Variants in RBFOX1 observed in about 807,000 individuals in gnomAD.
RBFOX1 encodes RNA binding protein fox-1 homolog 1.
RBFOX1 carries 8 observed loss-of-function variants against 57.7 expected under a neutral mutation model. The ratio of observed to expected loss-of-function variants is 0.14; its 90% CI spans 0.08 to 0.25. The LOEUF (loss-of-function observed/expected upper bound fraction) is 0.25, where lower values mean the gene tolerates loss of function less well. RBFOX1 is among the 10% of genes least tolerant of loss of function. The probability of loss-of-function intolerance (pLI) is 1.00; values close to 1 mark genes in which losing one functional copy is unlikely to be tolerated. For missense variants in RBFOX1, 611 were observed against 548.5 expected, an observed-to-expected ratio of 1.11 and a Z score of -1.14; for synonymous variants, 326 against 222.4, an observed-to-expected ratio of 1.47 and a Z score of -4.15.
rs1371625565 is a variant in RBFOX1 at position 5,946,446 on chromosome 16, C to T, written c.351+79111C>T. 3.9e-5 allele frequency among the ~76,000 whole-genome samples: 6 copies of T among 152,196 alleles called. No homozygotes were observed. Among genetic ancestry groups the T allele is most frequent in the Non-Finnish European group, 8.8e-5 (6 of 68,032 alleles). ...CTCTATCTTGCGACAGAGCCATGAACAGCTCAGCCAAGATCTCTGCTCTCA... is the reference window on the plus strand; with the variant it reads ...CTCTATCTTGCGACAGAGCCATGAATAGCTCAGCCAAGATCTCTGCTCTCA... On this transcript the variant is annotated intron_variant, in intron 4 of 19. Transcript: ENST00000641259. This position sits in a 1 kb window ranked among gnomAD's most constrained non-coding sequence, Gnocchi z 4.6.
At chr16:7,570,992 G>A (rs776425483) in intron 5 of RBFOX1, among the ~76,000 whole-genome samples, 3 of 152,244 alleles carry the variant, frequency 2.0e-5, no homozygotes, top group East Asian at 1.9e-4. Context: ...ACAGAAAACC[G>A]AACACTGCAT....
At chr16:6,339,891 C>A (rs2084290979) in intron 2 of RBFOX1, among the ~76,000 whole-genome samples, 1 of 151,942 alleles carries the variant, frequency 6.6e-6, no homozygotes. Context: ...CTTGGCCAGG[C>A]TGGTCTTGAA....
chr16:5,724,073 C>G (rs1567450800), intron 3 of RBFOX1, among the ~76,000 whole-genome samples: 1 of 152,170 alleles, frequency 6.6e-6, no homozygotes. Flanking sequence ...AGACTGCTCA[C>G]CACTTGAATG....
intron 1 of RBFOX1, among the ~76,000 whole-genome samples, chr16:5,415,774 T>C (rs1041913905): frequency 6.6e-6 from 1 of 152,190 alleles, no homozygotes; most frequent in Non-Finnish European, 1.5e-5. Flanking sequence ...ACTGTAAATG[T>C]GGTATGGATA....
chr16:6,652,576 C>T (rs1259932777), intron 2 of RBFOX1, among the ~76,000 whole-genome samples: 1 of 152,122 alleles, frequency 6.6e-6, no homozygotes, highest in African/African-American at 2.4e-5. Context: ...TCACCAGGAA[C>T]CCTGAGAGAG....
intron 1 of RBFOX1, among the ~76,000 whole-genome samples, chr16:6,232,105 G>C (rs903337877): frequency 6.6e-6 from 1 of 152,114 alleles, no homozygotes. Context: ...TAATCATGCT[G>C]ATCCATTTCC....
intron 4 of RBFOX1, among the ~76,000 whole-genome samples, chr16:7,252,643 T>C (rs2094536444): frequency 6.6e-6 from 1 of 152,206 alleles, no homozygotes; most frequent in Non-Finnish European, 1.5e-5. Context: ...TAACCTGCTT[T>C]ACTCATTGGT....
At chr16:6,016,924 A>T (rs1033769775), upstream of RBFOX1, among the ~76,000 whole-genome samples, 1 of 152,156 alleles carries the variant, frequency 6.6e-6, no homozygotes, top group East Asian at 1.9e-4. Context: ...TTTGTTTTAA[A>T]TTGTAATGGA....
At chr16:7,597,019 T>C (rs564090769) in intron 8 of RBFOX1, among the ~76,000 whole-genome samples, 1 of 152,322 alleles carries the variant, frequency 6.6e-6, no homozygotes, top group Admixed American at 6.5e-5. Context: ...ATGAATTTTA[T>C]TTTATGTTTA....
chr16:5,941,776 C>T (rs1363887655), intron 4 of RBFOX1, among the ~76,000 whole-genome samples: 1 of 151,960 alleles, frequency 6.6e-6, no homozygotes, highest in Non-Finnish European at 1.5e-5. Flanking sequence ...TTCCCGTGAG[C>T]TCATAGCTTC....
At chr16:5,772,499 C>T (rs974865053) in intron 3 of RBFOX1, among the ~76,000 whole-genome samples, 1 of 152,162 alleles carries the variant, frequency 6.6e-6, no homozygotes, top group Non-Finnish European at 1.5e-5. Context: ...CTTGAAAATT[C>T]AACCCAATTA....
At chr16:6,279,649 A>T (rs8052577) in intron 1 of RBFOX1, among the ~76,000 whole-genome samples, 133,547 of 152,168 alleles carry the variant, frequency 0.88, 59,164 homozygotes, top group East Asian at 0.95. Context: ...GGAGAAGAGA[A>T]ACATAAACAC....
At chr16:5,486,022 C>A (rs1871070882) in intron 2 of RBFOX1, among the ~76,000 whole-genome samples, 1 of 152,194 alleles carries the variant, frequency 6.6e-6, no homozygotes, top group African/African-American at 2.4e-5. Context: ...ATGAGCTCGC[C>A]TCCTCTCTCC....
chr16:7,285,543 C>T (rs766530974), intron 4 of RBFOX1, among the ~76,000 whole-genome samples: 5 of 152,020 alleles, frequency 3.3e-5, no homozygotes, highest in Admixed American at 6.6e-5. Flanking sequence ...CAACCACCCC[C>T]GCCCCCACTC....
chr16:7,471,000 A>G (rs1016180925), intron 4 of RBFOX1, among the ~76,000 whole-genome samples: 1 of 152,098 alleles, frequency 6.6e-6, no homozygotes, highest in Non-Finnish European at 1.5e-5. Flanking sequence ...GCCAAGATAG[A>G]TTTTATTGAA....
At chr16:5,772,132 A>G (rs2053999898) in intron 3 of RBFOX1, among the ~76,000 whole-genome samples, 1 of 152,184 alleles carries the variant, frequency 6.6e-6, no homozygotes, top group Admixed American at 6.5e-5. Context: ...AGATCACACC[A>G]GCACACTCCA....
At chr16:6,272,298 T>C (rs1207255559) in intron 1 of RBFOX1, among the ~76,000 whole-genome samples, 1 of 152,202 alleles carries the variant, frequency 6.6e-6, no homozygotes, top group Admixed American at 6.5e-5. Context: ...GAATTGAATT[T>C]GTTAAAGAAC....
chr16:6,771,462 C>G (rs1279996103), intron 3 of RBFOX1, among the ~76,000 whole-genome samples: 2 of 152,092 alleles, frequency 1.3e-5, no homozygotes, highest in East Asian at 3.9e-4. Flanking sequence ...AGATATGATC[C>G]AGATAGCAGA....
intron 2 of RBFOX1, among the ~76,000 whole-genome samples, chr16:6,504,799 T>C (rs2096046477): frequency 6.6e-6 from 1 of 152,124 alleles, no homozygotes; most frequent in Non-Finnish European, 1.5e-5. Flanking sequence ...CTCACGCCTG[T>C]AATCCCAGCA....
Sources: gnomAD v4.1 joint callset for allele counts (sites outside exome capture counted in the v4.1 genomes callset) on GRCh38, gnomAD v4.1.1 for gene constraint, Gnocchi (gnomAD v3.1) non-coding constraint, MANE v1.5 for transcripts, NCBI Gene and HGNC (gene_info 2026-07-23, HGNC 2026-07-21) for gene names.